The following ZNF362 variants were observed in gnomAD, a reference collection of about 807,000 sequenced individuals.
ZNF362 encodes rotund homolog.
Under a neutral mutation model 42.9 loss-of-function variants are expected in ZNF362, and 11 were observed. That is an observed-to-expected ratio of 0.26 (90% CI 0.16 to 0.42). The LOEUF is 0.42. Among genes scored for constraint, ZNF362 ranks in the 20% least tolerant of loss-of-function variants. The probability of loss-of-function intolerance (pLI) is 1.00; values close to 1 mark genes in which losing one functional copy is unlikely to be tolerated. For synonymous variants in ZNF362, 255 were observed against 257.3 expected (o/e 0.99, Z 0.09); for missense variants, 362 against 576.2 (o/e 0.63, Z 3.81).
chr1:33,138,698 T>C, the ZNF362 span, among the ~76,000 whole-genome samples: 2 of 152,040 alleles, frequency 1.3e-5, no homozygotes, highest in African/African-American at 4.8e-5. Context: ...GCAGCAGTTA[T>C]CTCTGGACAG....
the ZNF362 span, among the ~76,000 whole-genome samples, chr1:33,248,771 A>G: frequency 6.6e-6 from 1 of 152,216 alleles, no homozygotes; most frequent in Non-Finnish European, 1.5e-5. Flanking sequence ...AGATTGAAGG[A>G]GATGGGTTGT....
the ZNF362 span, among the ~76,000 whole-genome samples, chr1:33,199,414 A>G: frequency 6.6e-6 from 1 of 152,342 alleles, no homozygotes; most frequent in East Asian, 1.9e-4. Flanking sequence ...CTAGAATTCT[A>G]CACCCATTGA....
chr1:33,249,198 A>G, the ZNF362 span, among the ~76,000 whole-genome samples: 1 of 152,254 alleles, frequency 6.6e-6, no homozygotes, highest in South Asian at 2.1e-4. Flanking sequence ...GCTAGGTGAC[A>G]GGGCAGAGAT....
intron 6 of ZNF362, among the ~76,000 whole-genome samples, chr1:33,290,373 T>TC (rs1258257500): frequency 2.0e-5 from 3 of 151,810 alleles, no homozygotes; most frequent in Admixed American, 2.0e-4. Flanking sequence ...TTCATCCATG[T>TC]CCCTACAAAG....
chr1:33,231,038 C>G, the ZNF362 span, among the ~76,000 whole-genome samples: 1 of 152,154 alleles, frequency 6.6e-6, no homozygotes, highest in Non-Finnish European at 1.5e-5. Flanking sequence ...TCAAAAGAAC[C>G]ACCACAACAA....
At chr1:33,237,475 G>T in the ZNF362 span, among the ~76,000 whole-genome samples, 1 of 152,182 alleles carries the variant, frequency 6.6e-6, no homozygotes, top group African/African-American at 2.4e-5. Context: ...CATGGCTGCA[G>T]GCTGCTCCAA....
rs1366162613 is a variant in ZNF362, at chr1:33,266,359, G to C, written c.-88-4128G>C. Among the ~76,000 whole-genome samples, 1 of 152,224 alleles carries C rather than the reference G, an allele frequency of 6.6e-6. No individual in the cohort carries two copies. Among genetic ancestry groups the C allele is most frequent in the Non-Finnish European group, 1.5e-5 (1 of 68,032 alleles). On this transcript the variant is annotated intron_variant, in intron 1 of 8. Transcript: ENST00000539719. This position sits in a 1 kb window ranked among gnomAD's most constrained non-coding sequence, Gnocchi z 4.3. ...TATACTAGGCACTTGAGGCCCTACT[G>C]CATGGCTGGCGCTGGGCTCTGGGGC...
intron 6 of ZNF362, among the ~76,000 whole-genome samples, chr1:33,291,630 C>T (rs1369340283): frequency 6.6e-6 from 1 of 152,180 alleles, no homozygotes; most frequent in African/African-American, 2.4e-5. Context: ...ATTGGGATGA[C>T]ATTGAATCTA....
the ZNF362 span, among the ~76,000 whole-genome samples, chr1:33,186,663 G>A: frequency 6.9e-6 from 1 of 145,240 alleles, no homozygotes; most frequent in Admixed American, 7.0e-5. Flanking sequence ...AAAATTAGCT[G>A]GGCGTGGTGG....
chr1:33,186,549 T>C, the ZNF362 span, among the ~76,000 whole-genome samples: 1 of 151,008 alleles, frequency 6.6e-6, no homozygotes, highest in Non-Finnish European at 1.5e-5. Flanking sequence ...CTCACTCCTG[T>C]AATCCCAGCA....
chr1:33,298,430 CACCACAGCA>C (rs1646140158), intron 8 of ZNF362, among the ~76,000 whole-genome samples: 2 of 152,200 alleles, frequency 1.3e-5, no homozygotes, highest in Non-Finnish European at 1.5e-5. Flanking sequence ...TGATCTTTGT[CACCACAGCA>C]ACCTGTTGAG....
the ZNF362 span, chr1:33,141,745 G>C: frequency 2.4e-5 from 4 of 164,200 alleles, no homozygotes; most frequent in Non-Finnish European, 5.3e-5. Flanking sequence ...ATAGAAAACT[G>C]TTCTGATAGG....
Position 33,280,036 on chromosome 1 carries a change from C to G in ZNF362, c.350-88C>G, listed in dbSNP as rs188706593. ...AACTTATGAACGTTAAGGGGATGCT[C>G]GCCTGCCAAAATCACATAGCTGGGT... On this transcript the variant is annotated intron_variant, in intron 4 of 8. Transcript: ENST00000539719. The surrounding 1 kb of genome is among the most constrained non-coding windows in gnomAD (Gnocchi z 5.6). The G allele has an allele frequency of 7.6e-6, 11 of 1,453,158 alleles. No individual in the cohort carries two copies. The East Asian group carries it at 1.9e-4, about 25-fold the overall frequency. 90.0% of individuals were successfully genotyped at this position (1,453,158 alleles called of 1,614,324 possible). A position where few individuals can be genotyped will look rare whatever the true frequency, so the allele number is the denominator to read the frequency against.
At chr1:33,159,643 G>T in the ZNF362 span, 1 of 1,577,504 alleles carries the variant, frequency 6.3e-7, no homozygotes, top group Non-Finnish European at 8.6e-7. The surrounding 1 kb of genome is among the most constrained non-coding windows in gnomAD (Gnocchi z 4.2). Context: ...CATGGGTCGA[G>T]GAGGGGATGG....
chr1:33,147,313 T>A, the ZNF362 span: 1 of 1,614,176 alleles, frequency 6.2e-7, no homozygotes, highest in Non-Finnish European at 8.5e-7. This position sits in a 1 kb window ranked among gnomAD's most constrained non-coding sequence, Gnocchi z 8.1. Flanking sequence ...GTCATCAGCA[T>A]TGTAGAAGAT....
At chr1:33,237,950 A>G in the ZNF362 span, among the ~76,000 whole-genome samples, 1 of 152,198 alleles carries the variant, frequency 6.6e-6, no homozygotes, top group African/African-American at 2.4e-5. Flanking sequence ...TTAACACAGG[A>G]TTGATAGTTG....
In ZNF362 at chr1:33,275,708, C is replaced by T. The variant is rs529526151; in HGVS notation, c.39-392C>T. Reference sequence around the variant, plus strand: ...ATTTACAAATTTGCTGCAGTCCTCCCCAGTTTGTCTCTGGACTTGGGGGGC... The same window carrying T: ...ATTTACAAATTTGCTGCAGTCCTCCTCAGTTTGTCTCTGGACTTGGGGGGC... On this transcript the variant is annotated intron_variant, in intron 2 of 8. Coordinates refer to ENST00000539719, the MANE Select transcript of ZNF362 (RefSeq NM_152493.3). 1.4e-4 allele frequency among the ~76,000 whole-genome samples: 21 copies of T among 152,292 alleles called. No homozygotes were observed. The South Asian group carries it at 4.3e-3, about 32-fold the overall frequency.
At chr1:33,181,002 C>T in the ZNF362 span, 1 of 1,467,596 alleles carries the variant, frequency 6.8e-7, no homozygotes, top group Non-Finnish European at 9.1e-7. The surrounding 1 kb of genome is among the most constrained non-coding windows in gnomAD (Gnocchi z 6.5). Context: ...CCGCCCCTTC[C>T]CCAGGCAGGC....
At chr1:33,136,661 C>A in the ZNF362 span, among the ~76,000 whole-genome samples, 1 of 151,652 alleles carries the variant, frequency 6.6e-6, no homozygotes, top group Non-Finnish European at 1.5e-5. Flanking sequence ...TGAGCCACTG[C>A]GCCTGGCCCC....
Sources: allele counts gnomAD v4.1 joint callset (sites outside exome capture counted in the v4.1 genomes callset), GRCh38; gene constraint gnomAD v4.1.1; non-coding constraint Gnocchi (gnomAD v3.1); transcripts MANE v1.5; gene names NCBI Gene and HGNC (gene_info 2026-07-23, HGNC 2026-07-21).